PRKCB: variants seen among roughly 807,000 people sequenced by gnomAD.
The protein encoded by PRKCB is protein kinase C beta.
Under a neutral mutation model 81.5 loss-of-function variants are expected in PRKCB, and 13 were observed. That is an observed-to-expected ratio of 0.16 (90% confidence interval 0.10 to 0.25). PRKCB has a LOEUF of 0.25. PRKCB is among the 10% of genes least tolerant of loss of function. PRKCB has a pLI of 1.00. For synonymous variants in PRKCB, 335 were observed against 321.4 expected (o/e 1.04, Z -0.45); for missense variants, 509 against 875.7 (o/e 0.58, Z 5.29).
At chr16:24,212,315 ACACTTGG>A (rs1968150703) in intron 16 of PRKCB, among the ~76,000 whole-genome samples, 3 of 151,276 alleles carry the variant, frequency 2.0e-5, no homozygotes, top group Non-Finnish European at 4.4e-5. Context: ...ATATTCAAAA[ACACTTGG>A]CAAATGTCTG....
chr16:24,182,729 A>G (rs957397152), intron 13 of PRKCB, among the ~76,000 whole-genome samples: 1 of 151,984 alleles, frequency 6.6e-6, no homozygotes, highest in Admixed American at 6.6e-5. Flanking sequence ...GCTGGAGGGG[A>G]GGCAACTTCA....
At chr16:23,857,615 G>T (rs370947460) in intron 2 of PRKCB, among the ~76,000 whole-genome samples, 7 of 152,160 alleles carry the variant, frequency 4.6e-5, no homozygotes, top group Admixed American at 2.0e-4. Context: ...AGGGCCATAG[G>T]GGGGCCAGGG....
At chr16:23,974,945 C>T (rs1184327170) in intron 2 of PRKCB, among the ~76,000 whole-genome samples, 3 of 152,100 alleles carry the variant, frequency 2.0e-5, no homozygotes, top group Non-Finnish European at 2.9e-5. Flanking sequence ...TGTGATTCCC[C>T]AATGTTGTGA....
intron 10 of PRKCB, among the ~76,000 whole-genome samples, chr16:24,157,606 T>G (rs1156763328): frequency 6.6e-6 from 1 of 150,728 alleles, no homozygotes; most frequent in Non-Finnish European, 1.5e-5. Flanking sequence ...CAGGTATGTC[T>G]AATGGACTAA....
At chr16:24,055,745 C>G (rs1041074777) in intron 5 of PRKCB, among the ~76,000 whole-genome samples, 1 of 152,130 alleles carries the variant, frequency 6.6e-6, no homozygotes, top group Non-Finnish European at 1.5e-5. Context: ...GCCAGCAGTC[C>G]CAAAGGATGT....
intron 7 of PRKCB, among the ~76,000 whole-genome samples, chr16:24,096,662 AAAAAATATATATATATATATATATAT>A: frequency 2.5e-5 from 1 of 40,444 alleles, no homozygotes; most frequent in East Asian, 1.5e-3. Flanking sequence ...CAAAAAAAAA[AAAAAATATATATATATATATATATAT>A]ATATATATAT....
chr16:24,030,758 C>T (rs1965540674), intron 3 of PRKCB, among the ~76,000 whole-genome samples: 1 of 151,484 alleles, frequency 6.6e-6, no homozygotes, highest in Non-Finnish European at 1.5e-5. Flanking sequence ...GCAGGTTGGG[C>T]ACAGTGGCTC....
At chr16:24,162,897 C>T (rs896014910) in intron 10 of PRKCB, among the ~76,000 whole-genome samples, 2 of 151,424 alleles carry the variant, frequency 1.3e-5, no homozygotes, top group Non-Finnish European at 2.9e-5. Flanking sequence ...AGAAACCACC[C>T]AAAGACAAAG....
At chr16:23,875,107 A>T (rs7191400) in intron 2 of PRKCB, among the ~76,000 whole-genome samples, 53,981 of 147,644 alleles carry the variant, frequency 0.37, 10,259 homozygotes, top group African/African-American at 0.47. Context: ...CACGATCAGG[A>T]CTCAATGCAA....
chr16:23,996,367 G>A (rs1964956693), intron 3 of PRKCB, among the ~76,000 whole-genome samples: 1 of 152,152 alleles, frequency 6.6e-6, no homozygotes, highest in Non-Finnish European at 1.5e-5. Flanking sequence ...GTTATGCATG[G>A]GCTCAGCAGC....
At chr16:23,921,449 C>T (rs537881798) in intron 2 of PRKCB, among the ~76,000 whole-genome samples, 2 of 152,102 alleles carry the variant, frequency 1.3e-5, no homozygotes, top group Admixed American at 6.5e-5. Context: ...CGTGAGGAGA[C>T]AGCCTGATCG....
intron 10 of PRKCB, among the ~76,000 whole-genome samples, chr16:24,158,554 G>C (rs1042495266): frequency 6.6e-6 from 1 of 151,026 alleles, no homozygotes; most frequent in Non-Finnish European, 1.5e-5. Context: ...ATATGTATAT[G>C]TATATGTATA....
chr16:24,154,602 T>G, intron 9 of PRKCB, 82 bp from the exon 10 acceptor site: 1 of 1,400,306 alleles, frequency 7.1e-7, no homozygotes, highest in African/African-American at 1.4e-5. Flanking sequence ...AAGCTAAGTG[T>G]GGCTACAAAT....
intron 2 of PRKCB, among the ~76,000 whole-genome samples, chr16:23,879,300 A>C (rs1963067152): frequency 1.3e-5 from 2 of 151,934 alleles, no homozygotes; most frequent in Non-Finnish European, 2.9e-5. Context: ...AAGCAGTAGG[A>C]GATATGGGAG....
intron 9 of PRKCB, among the ~76,000 whole-genome samples, chr16:24,136,538 C>G (rs541422768): frequency 6.6e-6 from 1 of 152,192 alleles, no homozygotes; most frequent in South Asian, 2.1e-4. Context: ...GATGACATCT[C>G]TCTGCAGATA....
At chr16:24,087,439 T>G (rs1966322533) in intron 5 of PRKCB, among the ~76,000 whole-genome samples, 1 of 152,252 alleles carries the variant, frequency 6.6e-6, no homozygotes, top group Non-Finnish European at 1.5e-5. Flanking sequence ...TCAGGTTATT[T>G]CCTACTTTTA....
intron 15 of PRKCB, among the ~76,000 whole-genome samples, chr16:24,190,002 T>C (rs1967766162): frequency 6.6e-6 from 1 of 152,210 alleles, no homozygotes. Context: ...AGATCAGAGA[T>C]ATTTTCATGC....
intron 2 of PRKCB, among the ~76,000 whole-genome samples, chr16:23,842,720 C>A (rs1047251729): frequency 3.9e-5 from 6 of 152,124 alleles, no homozygotes; most frequent in African/African-American, 1.4e-4. Flanking sequence ...GTTTTTAAAT[C>A]TTCTAATTGA....
intron 8 of PRKCB, among the ~76,000 whole-genome samples, chr16:24,120,101 G>T (rs1966781923): frequency 6.6e-6 from 1 of 152,138 alleles, no homozygotes; most frequent in Admixed American, 6.5e-5. Context: ...AGGCACAAGA[G>T]TACACACTCT....
Sources: allele counts gnomAD v4.1 joint callset (sites outside exome capture counted in the v4.1 genomes callset), GRCh38; gene constraint gnomAD v4.1.1; transcripts MANE v1.5; gene names NCBI Gene and HGNC (gene_info 2026-07-23, HGNC 2026-07-21).